ZC3H7B: variants seen among roughly 807,000 people sequenced by gnomAD.
ZC3H7B encodes zinc finger CCCH-type containing 7B, also known as zinc finger CCCH domain-containing protein 7B.
In ZC3H7B, 35 loss-of-function variants were observed where a neutral mutation model predicts 116.0. That is an observed-to-expected ratio of 0.30 (90% confidence interval 0.23 to 0.40). ZC3H7B has a LOEUF of 0.40. Ranked by LOEUF, ZC3H7B falls within the 10% of genes least tolerant of loss-of-function variation. ZC3H7B has a pLI of 1.00. For synonymous variants in ZC3H7B, 502 were observed against 545.6 expected, an observed-to-expected ratio of 0.92 and a Z score of 1.11; for missense variants, 1,011 against 1,321.5, an observed-to-expected ratio of 0.77 and a Z score of 3.64.
At position 41,343,822 on chromosome 22, in the gene ZC3H7B, C is replaced by G. The variant is rs115307081; in HGVS notation, c.1459+246C>G. On this transcript the variant is annotated intron_variant, in intron 13 of 22. Coordinates refer to ENST00000352645, the MANE Select transcript of ZC3H7B (RefSeq NM_017590.6). ...ACATTTGGGACATTCAGCTGGAGAC[C>G]GAGCCCGTCACTGGCCTGTGCTCTG... 3.6e-3 allele frequency among the ~76,000 whole-genome samples: 541 copies of G among 152,268 alleles called. 3 individuals carry two copies. The highest frequency in any genetic ancestry group is 0.013 in the African/African-American group (520 of 41,538).
At position 41,341,082 on chromosome 22, in the gene ZC3H7B, G is replaced by A; in HGVS notation, c.1139-6G>A. 6.2e-7 allele frequency: 1 copy of A among 1,613,478 alleles called. No homozygotes were observed. The highest frequency in any genetic ancestry group is 8.5e-7 in the Non-Finnish European group (1 of 1,179,680). ...CCACTGACCCCTGTGTCTTCTCCCT[G>A]CCCAGAGGAGACCAACTCACAGGAC... On this transcript the variant is annotated splice_polypyrimidine_tract_variant and splice_region_variant and intron_variant, in intron 10 of 22. Coordinates refer to ENST00000352645, the MANE Select transcript of ZC3H7B (RefSeq NM_017590.6).
intron 6 of ZC3H7B, among the ~76,000 whole-genome samples, chr22:41,331,554 C>CA (rs76036983): frequency 0.067 from 3,410 of 51,000 alleles, 177 homozygotes; most frequent in African/African-American, 0.18. Context: ...GACTCTGCCT[C>CA]AAAAAAAAAA....
chr22:41,303,058 G>C (rs1291998575), intron 1 of ZC3H7B, among the ~76,000 whole-genome samples: 4 of 152,246 alleles, frequency 2.6e-5, no homozygotes, highest in African/African-American at 9.6e-5. Flanking sequence ...GACACAAAAT[G>C]CTGGCAGAAT....
intron 1 of ZC3H7B, among the ~76,000 whole-genome samples, chr22:41,309,299 C>T (rs1239334385): frequency 3.1e-4 from 46 of 150,756 alleles, no homozygotes; most frequent in African/African-American, 1.1e-3. Flanking sequence ...CGTGAGCCAC[C>T]GCGCCCGGCC....
At chr22:41,344,926 C>T (rs1476334778) in intron 13 of ZC3H7B, among the ~76,000 whole-genome samples, 1 of 152,374 alleles carries the variant, frequency 6.6e-6, no homozygotes, top group African/African-American at 2.4e-5. Flanking sequence ...TTGCCTCAGC[C>T]TCTTGAGTAG....
rs538694629 is a variant in ZC3H7B, at chr22:41,328,130, T to TA, written c.444+779dup. On this transcript the variant is annotated intron_variant, in intron 5 of 22. Transcript: ENST00000352645. ...TTTGACAAAGCAAGAGCTTGTCTAT[T>TA]AAAAAAAAAAAAAGCCTTTCTTTAT... Among the ~76,000 whole-genome samples the TA allele has an allele frequency of 4.0e-3, 570 of 141,156 alleles. 4 individuals are homozygous for TA. Among genetic ancestry groups the TA allele is most frequent in the Middle Eastern group, 7.2e-3 (2 of 278 alleles). 92.6% of individuals were successfully genotyped at this position (141,156 alleles called of 152,430 possible).
rs1601788999 is a variant in ZC3H7B, at chr22:41,343,464, C to T, written c.1347C>T (p.Cys449=). The T allele has an allele frequency of 6.2e-7, 1 of 1,613,892 alleles. No individual in the cohort carries two copies. The change falls in exon 13 of 23, where the codon TGC becomes TGT. Residue 449 remains cysteine (C), a synonymous_variant. Coordinates refer to ENST00000352645, the MANE Select transcript of ZC3H7B (RefSeq NM_017590.6). ...YTYREGLEHK[C]KRDILLGRLR... ...ACCGTGAGGGCCTTGAGCACAAGTGCAAGCGGGACATCCTGCTCGGCCGGC... is the reference window on the plus strand; with the variant it reads ...ACCGTGAGGGCCTTGAGCACAAGTGTAAGCGGGACATCCTGCTCGGCCGGC...
chr22:41,345,197 G>A (rs1197196746), intron 13 of ZC3H7B, among the ~76,000 whole-genome samples: 1 of 152,178 alleles, frequency 6.6e-6, no homozygotes, highest in Non-Finnish European at 1.5e-5. Flanking sequence ...TGAGGCTCGG[G>A]GAGTAATGAG....
intron 1 of ZC3H7B, among the ~76,000 whole-genome samples, chr22:41,308,457 C>T (rs991819219): frequency 6.6e-6 from 1 of 152,112 alleles, no homozygotes; most frequent in African/African-American, 2.4e-5. Context: ...TTCTGTGAAA[C>T]GGCCGTACTG....
rs1056188948 is a variant in ZC3H7B, at chr22:41,347,572, C to T, written c.1666-495C>T. ...CATGTTGAGGGCAGGGGCAGTGGCA[C>T]GTCTGTGTCCGTAGAGCAAGGGCTC... On this transcript the variant is annotated intron_variant, in intron 14 of 22. Coordinates refer to ENST00000352645, the MANE Select transcript of ZC3H7B (RefSeq NM_017590.6). Among the ~76,000 whole-genome samples, 5 of 152,192 alleles carry T rather than the reference C, an allele frequency of 3.3e-5. No homozygotes were observed. In the South Asian group the frequency reaches 8.3e-4, roughly 25 times the overall value.
chr22:41,332,737 C>G (rs2036398291), intron 7 of ZC3H7B: 1 of 154,002 alleles, frequency 6.5e-6, no homozygotes, highest in Admixed American at 6.5e-5. Flanking sequence ...AGGAAGAGCC[C>G]AACTGGGCCC....
intron 7 of ZC3H7B, among the ~76,000 whole-genome samples, chr22:41,337,971 C>A (rs1328621781): frequency 6.6e-6 from 1 of 151,828 alleles, no homozygotes; most frequent in Non-Finnish European, 1.5e-5. Context: ...GGGTTCAAAC[C>A]ATTCTCCTGC....
rs1397928279 is a variant in ZC3H7B at position 41,339,340 on chromosome 22, C to T, written c.816+149C>T. On this transcript the variant is annotated intron_variant, in intron 9 of 22. Transcript: ENST00000352645. ...GGACTTGTTTGGTACAGAAATGAAGCTGCACACTGGGCACGGTGGCTCACG... is the reference window on the plus strand; with the variant it reads ...GGACTTGTTTGGTACAGAAATGAAGTTGCACACTGGGCACGGTGGCTCACG... The T allele has an allele frequency of 3.0e-6, 3 of 1,008,984 alleles. No homozygotes were observed. In the African/African-American group the frequency reaches 4.9e-5, roughly 17 times the overall value. 62.5% of individuals were successfully genotyped at this position (1,008,984 alleles called of 1,614,324 possible).
chr22:41,318,838 C>T (rs1288000854), intron 1 of ZC3H7B, among the ~76,000 whole-genome samples: 1 of 152,182 alleles, frequency 6.6e-6, no homozygotes, highest in Non-Finnish European at 1.5e-5. Flanking sequence ...CACCAGCCTC[C>T]TTGCACATTC....
At position 41,327,345 on chromosome 22, in the gene ZC3H7B, G is replaced by A. The variant is rs1035145754; in HGVS notation, c.425G>A (p.Cys142Tyr). Residue 142 changes from cysteine (C) to tyrosine (Y), a missense_variant, in exon 5 of 23, where the codon TGT (cysteine) becomes TAT (tyrosine). Cys to Tyr is a radical substitution (Grantham distance 194). Coordinates refer to ENST00000352645, the MANE Select transcript of ZC3H7B (RefSeq NM_017590.6). The surrounding 1 kb of genome is among the most constrained non-coding windows in gnomAD (Gnocchi z 4.5). Reference protein sequence around the residue: ...HKEAYECSSRCSLALPHDESV... With the variant: ...HKEAYECSSRYSLALPHDESV... The stretch of plus-strand genomic sequence containing the variant: ...GAGGCCTACGAGTGCAGCAGCCGGT[G>A]TTCCCTCGCCCTGCCCCACGTGAGT... 1 of 1,612,070 alleles carries A rather than the reference G, an allele frequency of 6.2e-7. No individual in the cohort carries two copies. Among genetic ancestry groups the A allele is most frequent in the Non-Finnish European group, 8.5e-7 (1 of 1,180,044 alleles).
At chr22:41,329,258 CTTT>C (rs368796113) in intron 5 of ZC3H7B, among the ~76,000 whole-genome samples, 16 of 114,728 alleles carry the variant, frequency 1.4e-4, no homozygotes, top group Admixed American at 1.9e-4. Flanking sequence ...CAAAACTAAG[CTTT>C]TTTTTTTTTT....
At chr22:41,337,336 A>C (rs1297799228) in intron 7 of ZC3H7B, among the ~76,000 whole-genome samples, 2 of 151,876 alleles carry the variant, frequency 1.3e-5, no homozygotes, top group African/African-American at 4.8e-5. Flanking sequence ...TCAAAAAAAA[A>C]AAACAAACCC....
At chr22:41,306,926 G>A (rs1253560248) in intron 1 of ZC3H7B, among the ~76,000 whole-genome samples, 1 of 151,900 alleles carries the variant, frequency 6.6e-6, no homozygotes, top group Non-Finnish European at 1.5e-5. Context: ...GGCTGATGAT[G>A]GGCTGTGCGT....
chr22:41,318,697 A>AT, intron 1 of ZC3H7B, among the ~76,000 whole-genome samples: 1 of 152,224 alleles, frequency 6.6e-6, no homozygotes, highest in African/African-American at 2.4e-5. Context: ...TGCAGTGATC[A>AT]TGCCATTCTG....
Sources: gnomAD v4.1 joint callset for allele counts (sites outside exome capture counted in the v4.1 genomes callset) on GRCh38, gnomAD v4.1.1 for gene constraint, Gnocchi (gnomAD v3.1) non-coding constraint, MANE v1.5 for transcripts, NCBI Gene and HGNC (gene_info 2026-07-23, HGNC 2026-07-21) for gene names.